The following PCDH11X variants were observed in gnomAD, a reference collection of about 807,000 sequenced individuals.
PCDH11X encodes protocadherin-11 X-linked.
A neutral mutation model predicts 53.3 loss-of-function variants in PCDH11X; 18 were observed. That is an observed-to-expected ratio of 0.34 (90% CI 0.23 to 0.50). The LOEUF is 0.50. PCDH11X is among the 20% of genes least tolerant of loss of function. PCDH11X has a pLI of 0.98. For synonymous variants in PCDH11X, 279 were observed against 393.3 expected (o/e 0.71, Z 3.44); for missense variants, 570 against 1,032.4 (o/e 0.55, Z 6.14).
At chrX:92,284,060 G>A (rs1027099208) in intron 8 of PCDH11X, among the ~76,000 whole-genome samples, 3 of 107,004 alleles carry the variant, frequency 2.8e-5, no homozygotes, top group African/African-American at 1.0e-4. Context: ...GATTGTTATA[G>A]CTAATTTTTC....
intron 7 of PCDH11X, among the ~76,000 whole-genome samples, chrX:92,244,818 C>T (rs1196683985): frequency 2.7e-5 from 3 of 111,827 alleles, no homozygotes; most frequent in Non-Finnish European, 1.9e-5. Flanking sequence ...AGTGCTATGC[C>T]TGTCACATAG....
intron 5 of PCDH11X, among the ~76,000 whole-genome samples, chrX:91,860,879 G>A (rs1336341114): frequency 1.8e-5 from 2 of 111,560 alleles, no homozygotes; most frequent in Non-Finnish European, 3.8e-5. Flanking sequence ...ATTTTATTCG[G>A]GATTTTTGTA....
At chrX:92,036,330 A>G (rs186660156) in intron 6 of PCDH11X, among the ~76,000 whole-genome samples, 53 of 109,410 alleles carry the variant, frequency 4.8e-4, no homozygotes, top group African/African-American at 1.7e-3. Flanking sequence ...TGTCTCCACC[A>G]AAACCTCATC....
Position 92,235,674 on chromosome X carries a change from A to G in PCDH11X, c.3115-27440A>G, listed in dbSNP as rs753807464. On this transcript the variant is annotated intron_variant, in intron 7 of 10. Coordinates refer to ENST00000682573, the MANE Select transcript of PCDH11X (RefSeq NM_032968.5). ...TATCTTTATATTTTATTATTTCATA[A>G]GGGAATGAATAAAAGAGTAGAGTTA... Among the ~76,000 whole-genome samples, 419 of 111,656 alleles carry G rather than the reference A, an allele frequency of 3.8e-3. 2 individuals carry two copies. The highest frequency in any genetic ancestry group is 6.7e-3 in the Non-Finnish European group (354 of 53,027).
chrX:92,377,537 A>G (rs758026635), intron 8 of PCDH11X, among the ~76,000 whole-genome samples: 2 of 110,969 alleles, frequency 1.8e-5, no homozygotes, highest in South Asian at 7.6e-4. Flanking sequence ...TCACACAAGC[A>G]TATAATCTGA....
rs991931807 is a variant in PCDH11X, at chrX:92,622,888, AAAATT to A, written c.*3951_*3955del. ...GAAAAATGTATGTGCACAAATAAAA[AAAATT>A]AATGGCAATTGTTTAGTGATTGTAA... On this transcript the variant is annotated 3_prime_UTR_variant, in exon 11 of 11. Coordinates refer to ENST00000682573, the MANE Select transcript of PCDH11X (RefSeq NM_032968.5). 1 of 111,774 alleles carries A rather than the reference AAAATT, an allele frequency of 8.9e-6. No individual in the cohort carries two copies. Among genetic ancestry groups the A allele is most frequent in the African/African-American group, 3.2e-5 (1 of 30,829 alleles). 9.2% of individuals were successfully genotyped at this position (111,774 alleles called of 1,213,427 possible).
rs921704594 is a variant in PCDH11X at position 92,201,303 on chromosome X, T to A, written c.3034-72T>A. On this transcript the variant is annotated intron_variant, in intron 6 of 10. Coordinates refer to ENST00000682573, the MANE Select transcript of PCDH11X (RefSeq NM_032968.5). ...ATTTTAGCTACCTATAGGCAATGTT[T>A]ATATGAAATGTACTGTGTATTTTAC... 1.3e-5 allele frequency: 15 copies of A among 1,137,664 alleles called. No individual in the cohort carries two copies. The South Asian group carries it at 3.1e-4, about 24-fold the overall frequency. 93.8% of individuals were successfully genotyped at this position (1,137,664 alleles called of 1,213,427 possible).
chrX:91,964,175 T>C (rs1182454335), intron 6 of PCDH11X, among the ~76,000 whole-genome samples: 2 of 100,603 alleles, frequency 2.0e-5, no homozygotes, highest in South Asian at 4.3e-4. Flanking sequence ...AAGACATTAA[T>C]AGATATCCTG....
intron 10 of PCDH11X, among the ~76,000 whole-genome samples, chrX:92,574,353 C>T (rs1320979529): frequency 1.1e-5 from 1 of 92,871 alleles, no homozygotes; most frequent in Non-Finnish European, 2.2e-5. Flanking sequence ...AATTTATGTT[C>T]AATTTATCAA....
At chrX:92,266,952 C>G (rs1305397602) in intron 8 of PCDH11X, among the ~76,000 whole-genome samples, 1 of 110,209 alleles carries the variant, frequency 9.1e-6, no homozygotes, top group Non-Finnish European at 1.9e-5. Context: ...ACCATGTTGG[C>G]CAGGCTGGTC....
intron 5 of PCDH11X, among the ~76,000 whole-genome samples, chrX:91,869,892 G>A (rs2524526): frequency 8.9e-6 from 1 of 111,850 alleles, no homozygotes; most frequent in Non-Finnish European, 1.9e-5. Flanking sequence ...GCAAGTGCAC[G>A]TGTGAGCACA....
At chrX:92,494,874 G>C (rs1234867529) in intron 10 of PCDH11X, among the ~76,000 whole-genome samples, 14 of 92,118 alleles carry the variant, frequency 1.5e-4, no homozygotes, top group Non-Finnish European at 2.6e-4. Flanking sequence ...CCATTCTACT[G>C]TCGACGACTC....
intron 7 of PCDH11X, among the ~76,000 whole-genome samples, chrX:92,261,532 AC>A (rs1379212238): frequency 8.9e-6 from 1 of 111,770 alleles, no homozygotes; most frequent in African/African-American, 3.2e-5. Flanking sequence ...TTAGATTTTC[AC>A]TTTGCTCACT....
At chrX:92,121,742 T>A (rs867345407) in intron 6 of PCDH11X, among the ~76,000 whole-genome samples, 3 of 94,493 alleles carry the variant, frequency 3.2e-5, no homozygotes, top group East Asian at 3.9e-4. Flanking sequence ...TTATTTATTT[T>A]TTGAGATGGA....
At chrX:92,273,734 G>A (rs764862660) in intron 8 of PCDH11X, among the ~76,000 whole-genome samples, 13 of 110,846 alleles carry the variant, frequency 1.2e-4, no homozygotes, top group Admixed American at 5.8e-4. Flanking sequence ...CACATTTGTC[G>A]TGTAGAATTA....
At chrX:92,472,599 G>T (rs1229200988) in intron 10 of PCDH11X, among the ~76,000 whole-genome samples, 8 of 107,613 alleles carry the variant, frequency 7.4e-5, no homozygotes, top group Non-Finnish European at 1.2e-4. Context: ...TGGCTATTAG[G>T]GCTATTTTTG....
intron 7 of PCDH11X, among the ~76,000 whole-genome samples, chrX:92,235,178 T>A (rs184626859): frequency 0.01 from 1,159 of 111,204 alleles, 7 homozygotes; most frequent in Non-Finnish European, 0.017. Context: ...AAAATTTTTT[T>A]AAATATATTA....
chrX:92,011,079 T>G (rs972537338), intron 6 of PCDH11X, among the ~76,000 whole-genome samples: 35 of 111,503 alleles, frequency 3.1e-4, no homozygotes, highest in South Asian at 1.1e-3. Flanking sequence ...GGCTATGTAG[T>G]ATTCCATGGT....
chrX:92,080,355 A>T (rs921032191), intron 6 of PCDH11X, among the ~76,000 whole-genome samples: 4 of 111,243 alleles, frequency 3.6e-5, no homozygotes, highest in Admixed American at 9.6e-5. Context: ...ACAAATACAG[A>T]TGTCTCCAAA....
Sources: allele counts gnomAD v4.1 joint callset (sites outside exome capture counted in the v4.1 genomes callset), GRCh38; gene constraint gnomAD v4.1.1; transcripts MANE v1.5; gene names NCBI Gene and HGNC (gene_info 2026-07-23, HGNC 2026-07-21).